The following OGFOD3 variants were observed in gnomAD, a reference collection of about 807,000 sequenced individuals.
OGFOD3 encodes 2-oxoglutarate and iron dependent oxygenase domain containing 3, also known as 2-oxoglutarate and iron-dependent oxygenase domain-containing protein 3.
OGFOD3 carries 35 observed loss-of-function variants against 39.8 expected under a neutral mutation model. That is an observed-to-expected ratio of 0.88 (90% confidence interval 0.67 to 1.17). The LOEUF is 1.17. OGFOD3 is among the 50% of genes most tolerant of loss of function. OGFOD3 has a pLI of 0.00. For synonymous variants in OGFOD3, 200 were observed against 192.0 expected (o/e 1.04, Z -0.34); for missense variants, 438 against 454.5 (o/e 0.96, Z 0.33).
intron 3 of OGFOD3, among the ~76,000 whole-genome samples, chr17:82,410,604 G>C (rs371091599): frequency 1.3e-5 from 2 of 152,276 alleles, no homozygotes; most frequent in East Asian, 1.9e-4. Flanking sequence ...CCCCTGCAGA[G>C]GAACCTGGGC....
chr17:82,392,741 G>A lies in OGFOD3; in HGVS notation c.824-207C>T. 3.1e-6 allele frequency: 2 copies of A among 649,610 alleles called. No individual in the cohort carries two copies. Among genetic ancestry groups the A allele is most frequent in the South Asian group, 2.1e-5 (1 of 48,250 alleles). The allele number at this position is 649,610 out of a possible 1,614,324, so 40.2% of individuals were successfully genotyped here. A position where few individuals can be genotyped will look rare whatever the true frequency, so the allele number is the denominator to read the frequency against. ...AGCAATGCTCAGGGGCCCTGTGGCG[G>A]AGGAGGGGCCCCCCGGGGCCAGCAG... On this transcript the variant is annotated intron_variant, in intron 8 of 8. Coordinates refer to ENST00000313056, the MANE Select transcript of OGFOD3 (RefSeq NM_024648.3). The surrounding 1 kb of genome is among the most constrained non-coding windows in gnomAD (Gnocchi z 4.2).
Position 82,392,563 on chromosome 17 carries a change from C to A in OGFOD3, c.824-29G>T. The A allele has an allele frequency of 6.4e-7, 1 of 1,563,028 alleles. No homozygotes were observed. Reference sequence around the variant, plus strand: ...GGAGAGGAGAAGAGAGAGAGGTGGCCATAGAGCCACACCCACGGCCACAGC... The same window carrying A: ...GGAGAGGAGAAGAGAGAGAGGTGGCAATAGAGCCACACCCACGGCCACAGC... On this transcript the variant is annotated intron_variant, in intron 8 of 8. Transcript: ENST00000313056. The surrounding 1 kb of genome is among the most constrained non-coding windows in gnomAD (Gnocchi z 4.2).
At chr17:82,395,980 C>T (rs1269413655) in intron 8 of OGFOD3, among the ~76,000 whole-genome samples, 2 of 151,996 alleles carry the variant, frequency 1.3e-5, no homozygotes, top group Non-Finnish European at 2.9e-5. Context: ...AGATGTATGA[C>T]ATCAAATCAC....
chr17:82,402,930 G>A (rs1164043997), intron 7 of OGFOD3, among the ~76,000 whole-genome samples: 1 of 152,136 alleles, frequency 6.6e-6, no homozygotes, highest in Non-Finnish European at 1.5e-5. Context: ...GCACGCACCT[G>A]TGGTCCCAGC....
rs536366917 is a variant in OGFOD3, at chr17:82,395,322, C to T, written c.824-2788G>A. Among the ~76,000 whole-genome samples, 8 of 152,308 alleles carry T rather than the reference C, an allele frequency of 5.3e-5. No homozygotes were observed. The South Asian group carries it at 8.3e-4, about 16-fold the overall frequency. ...CTGGGATTACAGGTGTGAGCCGCCC[C>T]ACCTGGCCCCCTTGGTGGATTTTAA... On this transcript the variant is annotated intron_variant, in intron 8 of 8. Transcript: ENST00000313056.
chr17:82,412,567 C>G (rs1460681868), intron 2 of OGFOD3, among the ~76,000 whole-genome samples: 3 of 143,538 alleles, frequency 2.1e-5, no homozygotes, highest in African/African-American at 8.0e-5. Context: ...AGGGCAGGGG[C>G]AGGGTGTTTG....
chr17:82,392,627 AC>A lies in OGFOD3; in HGVS notation c.824-94del. ...GCGGTCACCTGAAAGAGCAACTATAACCAATCAACACAACCAACCAGGCAGG... is the reference window on the plus strand; with the variant it reads ...GCGGTCACCTGAAAGAGCAACTATAACAATCAACACAACCAACCAGGCAGG... On this transcript the variant is annotated intron_variant, in intron 8 of 8. Transcript: ENST00000313056. This position sits in a 1 kb window ranked among gnomAD's most constrained non-coding sequence, Gnocchi z 4.2. 1 of 1,401,966 alleles carries A rather than the reference AC, an allele frequency of 7.1e-7. No homozygotes were observed. The highest frequency in any genetic ancestry group is 9.6e-7 in the Non-Finnish European group (1 of 1,040,930). The allele number at this position is 1,401,966 out of a possible 1,614,324, so 86.8% of individuals were successfully genotyped here.
intron 8 of OGFOD3, among the ~76,000 whole-genome samples, chr17:82,394,798 G>A (rs2052647220): frequency 1.3e-5 from 2 of 152,188 alleles, no homozygotes; most frequent in African/African-American, 4.8e-5. Flanking sequence ...CATCCAGAGG[G>A]GCTGGGGACA....
intron 2 of OGFOD3, among the ~76,000 whole-genome samples, chr17:82,414,884 T>C (rs2053007751): frequency 6.6e-6 from 1 of 152,268 alleles, no homozygotes; most frequent in East Asian, 1.9e-4. Flanking sequence ...CGGTCAGACC[T>C]GCTCCGAGGC....
intron 2 of OGFOD3, among the ~76,000 whole-genome samples, chr17:82,414,528 G>A (rs894891263): frequency 1.3e-5 from 2 of 152,210 alleles, no homozygotes; most frequent in Admixed American, 6.5e-5. Context: ...TTGGAAAGCT[G>A]GGATGTTAGA....
In OGFOD3 at chr17:82,418,476, G is replaced by A; in HGVS notation, c.10C>T (p.Gln4Ter). The A allele has an allele frequency of 2.0e-6, 3 of 1,465,350 alleles. No homozygotes were observed. The highest frequency in any genetic ancestry group is 2.7e-6 in the Non-Finnish European group (3 of 1,113,516). 90.8% of individuals were successfully genotyped at this position (1,465,350 alleles called of 1,614,324 possible). Residue 4 changes from glutamine (Q) to a stop codon, truncating the protein, a stop_gained, in exon 1 of 9, where the codon CAG (glutamine) becomes TAG (stop). Transcript: ENST00000313056. LOFTEE classifies it high-confidence loss of function. MAP[Q>*]RRAATKAPEG... ...GGCGCCTTGGTTGCGGCCCTCCGCT[G>A]AGGAGCCATCGGACCAGGCCGCCGC...
intron 4 of OGFOD3, 34 bp downstream of exon 4, chr17:82,409,334 A>T: frequency 6.2e-7 from 1 of 1,603,224 alleles, no homozygotes; most frequent in South Asian, 1.1e-5. Context: ...GTTAACGGGT[A>T]AAAAAAGGGG....
At position 82,404,056 on chromosome 17, in the gene OGFOD3, C is replaced by T; in HGVS notation, c.580G>A (p.Glu194Lys). ...GAGGATGCGCTGATGCCAAAAGCCT[C>T]AGCAATGGTGAGCTGGACCTTCTGC... The part of the protein sequence containing the change: ...VRQKVQLTIA[E>K]AFGISASSLH... Residue 194 changes from glutamate to lysine, a missense_variant, in exon 7 of 9, where the codon GAG becomes AAG. Physicochemically the swap from Glu to Lys is moderately conservative, Grantham distance 56. Transcript: ENST00000313056. This position sits in a 1 kb window ranked among gnomAD's most constrained non-coding sequence, Gnocchi z 4.5. The T allele has an allele frequency of 6.2e-7, 1 of 1,608,166 alleles. No homozygotes were observed. The highest frequency in any genetic ancestry group is 8.5e-7 in the Non-Finnish European group (1 of 1,177,208).
Position 82,405,368 on chromosome 17 carries a change from A to G in OGFOD3, c.501T>C (p.Asp167=). ...HFVNLYRYFG[D]KIQNIFSEED... The stretch of plus-strand genomic sequence containing the variant: ...CCTCTGAGAAGATGTTCTGTATTTT[A>G]TCCCCGAAGTATCTGTGAAAAAAGG... Residue 167 remains aspartate (D), a synonymous_variant, in exon 6 of 9, where the codon GAT becomes GAC. Coordinates refer to ENST00000313056, the MANE Select transcript of OGFOD3 (RefSeq NM_024648.3). 1.2e-6 allele frequency: 2 copies of G among 1,613,814 alleles called. No individual in the cohort carries two copies. Among genetic ancestry groups the G allele is most frequent in the Non-Finnish European group, 8.5e-7 (1 of 1,179,706 alleles).
In OGFOD3 at chr17:82,411,501, C is replaced by T. The variant is rs1438252946; in HGVS notation, c.334G>A (p.Val112Ile). 3.1e-6 allele frequency: 5 copies of T among 1,614,144 alleles called. No homozygotes were observed. Among genetic ancestry groups the T allele is most frequent in the Non-Finnish European group, 4.2e-6 (5 of 1,180,026 alleles). ...TCCCTGGTGATGACGACATCGGTGA[C>T]ACCTCTGCCGCACTTTCGGGGAGTG... ...GCTPRKCGRG[V>I]TDVVITREEA... Residue 112 changes from valine to isoleucine, a missense_variant, in exon 3 of 9, where the codon GTC (valine) becomes ATC (isoleucine). Transcript: ENST00000313056.
rs886244000 is a variant in OGFOD3, at chr17:82,418,545, G to GT, written c.-61dup. On this transcript the variant is annotated 5_prime_UTR_variant, in exon 1 of 9. Transcript: ENST00000313056. ...GGCGCCAGGCCCGGGGACGAACGCC[G>GT]TAACAGGGAGCGCGAGGCAGGCACG... The GT allele has an allele frequency of 5.2e-6, 5 of 969,338 alleles. No homozygotes were observed. The highest frequency in any genetic ancestry group is 1.7e-5 in the African/African-American group (1 of 57,944). The allele number at this position is 969,338 out of a possible 1,614,324, so 60.0% of individuals were successfully genotyped here.
intron 1 of OGFOD3, chr17:82,417,112 T>C (rs1179228644): frequency 2.0e-5 from 3 of 152,342 alleles, no homozygotes; most frequent in African/African-American, 7.2e-5. Context: ...TTGAAGGAAA[T>C]AGATACATGT....
chr17:82,398,902 A>G (rs1400601140), intron 7 of OGFOD3, among the ~76,000 whole-genome samples: 2 of 108,564 alleles, frequency 1.8e-5, no homozygotes, highest in African/African-American at 7.3e-5. Context: ...TTTTTTTTGT[A>G]GAGATGGCAT....
At position 82,392,340 on chromosome 17, in the gene OGFOD3, G is replaced by A. The variant is rs1487004431; in HGVS notation, c.*58C>T. The stretch of plus-strand genomic sequence containing the variant: ...CGGGTGGACGTGGGGGTGGGTGCAC[G>A]ACTGGCGCGGCTGCCTCCACACGGG... On this transcript the variant is annotated 3_prime_UTR_variant, in exon 9 of 9. Coordinates refer to ENST00000313056, the MANE Select transcript of OGFOD3 (RefSeq NM_024648.3). This position sits in a 1 kb window ranked among gnomAD's most constrained non-coding sequence, Gnocchi z 4.2. The A allele has an allele frequency of 4.5e-6, 7 of 1,570,638 alleles. No individual in the cohort carries two copies. Among genetic ancestry groups the A allele is most frequent in the Admixed American group, 1.9e-5 (1 of 53,780 alleles).
Sources: gnomAD v4.1 joint callset for allele counts (sites outside exome capture counted in the v4.1 genomes callset) on GRCh38, gnomAD v4.1.1 for gene constraint, Gnocchi (gnomAD v3.1) non-coding constraint, MANE v1.5 for transcripts, NCBI Gene and HGNC (gene_info 2026-07-23, HGNC 2026-07-21) for gene names.